SCOC: variants seen among roughly 807,000 people sequenced by gnomAD.
SCOC encodes short coiled coil protein.
A neutral mutation model predicts 9.9 loss-of-function variants in SCOC; 7 were observed. The observed-to-expected ratio is 0.71, with a 90% CI of 0.40 to 1.33. The LOEUF is 1.33. SCOC is among the 40% of genes most tolerant of loss of function. The pLI is 0.01. For synonymous variants in SCOC, 19 were observed against 28.2 expected, an observed-to-expected ratio of 0.67 and a Z score of 1.03; for missense variants, 66 against 89.7, an observed-to-expected ratio of 0.74 and a Z score of 1.07.
intron 1 of SCOC, among the ~76,000 whole-genome samples, chr4:140,263,633 T>C (rs1245390920): frequency 6.6e-6 from 1 of 152,160 alleles, no homozygotes; most frequent in Non-Finnish European, 1.5e-5. Context: ...GAGGAAAAGA[T>C]TAGCGAGGCT....
upstream of SCOC, among the ~76,000 whole-genome samples, chr4:140,343,041 A>ACATATATGTATGG (rs778630874): frequency 7.2e-5 from 11 of 152,094 alleles, no homozygotes; most frequent in Non-Finnish European, 1.0e-4. Flanking sequence ...ATATATTTCT[A>ACATATATGTATGG]CATATATGTA....
At chr4:140,367,860 G>C (rs1727868890) in intron 2 of SCOC, among the ~76,000 whole-genome samples, 1 of 152,198 alleles carries the variant, frequency 6.6e-6, no homozygotes, top group Non-Finnish European at 1.5e-5. Context: ...GGTGCCAAAA[G>C]CTGGATGGTC....
chr4:140,298,808 AAATT>A (rs1324915521), intron 1 of SCOC, among the ~76,000 whole-genome samples: 5 of 152,170 alleles, frequency 3.3e-5, no homozygotes, highest in African/African-American at 1.2e-4. Flanking sequence ...TTTAATTAAT[AAATT>A]AATTCATTAT....
rs187141712 is a variant in SCOC at position 140,362,538 on chromosome 4, G to T, written c.71-16583G>T. Among the ~76,000 whole-genome samples, 947 of 151,392 alleles carry T rather than the reference G, an allele frequency of 6.3e-3. 10 individuals carry two copies. Among genetic ancestry groups the T allele is most frequent in the South Asian group, 0.023 (112 of 4,786 alleles). On this transcript the variant is annotated intron_variant, in intron 2 of 4. Coordinates refer to the SCOC transcript ENST00000338517. ...TGGAACTCCTGACCTCAAGTGATCT[G>T]CTCACCTCAGCCACCAAAAGTGCTG...
chr4:140,380,034 A>T (rs1728504588), intron 3 of SCOC, among the ~76,000 whole-genome samples: 1 of 152,182 alleles, frequency 6.6e-6, no homozygotes, highest in Admixed American at 6.5e-5. Context: ...GCATAAAATT[A>T]ATACACTGAA....
chr4:140,382,959 A>G lies in SCOC; in HGVS notation c.*1855A>G, dbSNP rs1728617986. 1 of 152,234 alleles carries G rather than the reference A, an allele frequency of 6.6e-6. No homozygotes were observed. Among genetic ancestry groups the G allele is most frequent in the Non-Finnish European group, 1.5e-5 (1 of 68,040 alleles). 9.4% of individuals were successfully genotyped at this position (152,234 alleles called of 1,614,324 possible). On this transcript the variant is annotated 3_prime_UTR_variant, in exon 4 of 4. Transcript: ENST00000608372. ...AGTTATTCAGGGACTTTGGCTGAGGATGGTGCTGCCATTTTAAATCATGGC... is the reference window on the plus strand; with the variant it reads ...AGTTATTCAGGGACTTTGGCTGAGGGTGGTGCTGCCATTTTAAATCATGGC...
chr4:140,272,578 G>A (rs1696711844), intron 1 of SCOC, among the ~76,000 whole-genome samples: 1 of 152,180 alleles, frequency 6.6e-6, no homozygotes, highest in Admixed American at 6.5e-5. Context: ...GAAGGGCAGA[G>A]GTATTTGTCT....
chr4:140,355,293 T>C (rs1727178227), intron 2 of SCOC, among the ~76,000 whole-genome samples: 1 of 149,410 alleles, frequency 6.7e-6, no homozygotes, highest in South Asian at 2.1e-4. Flanking sequence ...CCCTGACTAA[T>C]ACAGTCTCTT....
intron 1 of SCOC, among the ~76,000 whole-genome samples, chr4:140,277,069 C>T (rs564150806): frequency 6.6e-6 from 1 of 152,258 alleles, no homozygotes; most frequent in South Asian, 2.1e-4. Flanking sequence ...TTAGGCTCTT[C>T]AGAATTTAAT....
chr4:140,283,745 C>CATT (rs1731151205), intron 1 of SCOC: 2 of 152,228 alleles, frequency 1.3e-5, no homozygotes, highest in East Asian at 3.9e-4. Context: ...CATTTTTAAT[C>CATT]AAAGTAAGGT....
At chr4:140,358,463 G>T (rs115883943) in intron 2 of SCOC, among the ~76,000 whole-genome samples, 3,546 of 152,268 alleles carry the variant, frequency 0.023, 68 homozygotes, top group South Asian at 0.08. Context: ...GCTAGCTGTG[G>T]TAACATTGGG....
upstream of SCOC, among the ~76,000 whole-genome samples, chr4:140,339,720 T>C (rs1416869464): frequency 2.0e-5 from 3 of 152,198 alleles, no homozygotes; most frequent in Admixed American, 1.3e-4. Context: ...TCACTGGCCA[T>C]CAGAGAAATG....
At chr4:140,278,017 C>T (rs1459196232) in intron 1 of SCOC, among the ~76,000 whole-genome samples, 1 of 152,210 alleles carries the variant, frequency 6.6e-6, no homozygotes, top group Non-Finnish European at 1.5e-5. Context: ...TTATATAATT[C>T]TATGTATATT....
At chr4:140,278,361 G>T (rs541667600) in intron 1 of SCOC, among the ~76,000 whole-genome samples, 15 of 151,690 alleles carry the variant, frequency 9.9e-5, no homozygotes, top group African/African-American at 3.6e-4. Flanking sequence ...GTGCAGTGGC[G>T]CAATCTTGGC....
At chr4:140,349,254 T>G (rs1726873058) in intron 2 of SCOC, among the ~76,000 whole-genome samples, 1 of 152,200 alleles carries the variant, frequency 6.6e-6, no homozygotes, top group Non-Finnish European at 1.5e-5. Flanking sequence ...AAGGCAGAGC[T>G]GCTTTCTGCT....
upstream of SCOC, among the ~76,000 whole-genome samples, chr4:140,368,759 G>A (rs183935906): frequency 1.6e-4 from 25 of 152,192 alleles, no homozygotes; most frequent in African/African-American, 4.6e-4. Context: ...CATCTTGTGT[G>A]CAGCAAATCA....
At chr4:140,340,070 G>A (rs1726445438), upstream of SCOC, among the ~76,000 whole-genome samples, 1 of 152,176 alleles carries the variant, frequency 6.6e-6, no homozygotes, top group South Asian at 2.1e-4. Flanking sequence ...AACAATGATA[G>A]ACTGGATTAA....
intron 2 of SCOC, chr4:140,366,990 G>A (rs572605371): frequency 1.7e-4 from 72 of 422,500 alleles, no homozygotes; most frequent in East Asian, 9.5e-4. Context: ...TGGATCGCTT[G>A]AGGTCAGGAG....
intron 1 of SCOC, among the ~76,000 whole-genome samples, chr4:140,327,183 G>A (rs1732673221): frequency 6.6e-6 from 1 of 152,174 alleles, no homozygotes; most frequent in African/African-American, 2.4e-5. Context: ...GGAGTGTTAA[G>A]TGTGAAGCCA....
Sources: allele counts gnomAD v4.1 joint callset (sites outside exome capture counted in the v4.1 genomes callset), GRCh38; gene constraint gnomAD v4.1.1; transcripts MANE v1.5; gene names NCBI Gene and HGNC (gene_info 2026-07-23, HGNC 2026-07-21).